Variants in NDEL1 observed in about 807,000 individuals in gnomAD.
The protein encoded by NDEL1 is nudE neurodevelopment protein 1 like 1.
A neutral mutation model predicts 45.7 loss-of-function variants in NDEL1; 9 were observed. The observed-to-expected ratio is 0.20, with a 90% confidence interval of 0.12 to 0.34. NDEL1 has a LOEUF of 0.34. Among genes scored for constraint, NDEL1 ranks in the 10% least tolerant of loss-of-function variants. NDEL1 has a pLI of 1.00. For synonymous variants in NDEL1, 133 were observed against 158.6 expected, an observed-to-expected ratio of 0.84 and a Z score of 1.21; for missense variants, 306 against 406.2, an observed-to-expected ratio of 0.75 and a Z score of 2.12.
intron 1 of NDEL1, among the ~76,000 whole-genome samples, chr17:8,428,323 G>GT (rs1478014217): frequency 3.2e-5 from 2 of 62,042 alleles, no homozygotes; most frequent in African/African-American, 7.3e-5. Flanking sequence ...AAGTGTGTGT[G>GT]GTGTGTGTGT....
chr17:8,462,599 C>T (rs1003537463), intron 8 of NDEL1, among the ~76,000 whole-genome samples: 3 of 152,170 alleles, frequency 2.0e-5, no homozygotes, highest in African/African-American at 7.2e-5. Flanking sequence ...GTTAAAAACA[C>T]AAAAGCCTGT....
At position 8,451,004 on chromosome 17, in the gene NDEL1, G is replaced by C. The variant is rs763441222; in HGVS notation, c.700+51G>C. 9 of 1,528,814 alleles carry C rather than the reference G, an allele frequency of 5.9e-6. No individual in the cohort carries two copies. The South Asian group carries it at 1.1e-4, about 19-fold the overall frequency. The allele number at this position is 1,528,814 out of a possible 1,614,324, so 94.7% of individuals were successfully genotyped here. A position where few individuals can be genotyped will look rare whatever the true frequency, so the allele number is the denominator to read the frequency against. ...GCGATGTGTTAGATGATCAGCTTAC[G>C]GGGGTTTGTTGCTGAAGGCGGTTGC... On this transcript the variant is annotated intron_variant, in intron 6 of 8. Coordinates refer to ENST00000334527, the MANE Select transcript of NDEL1 (RefSeq NM_030808.5).
rs149309918 is a variant in NDEL1 at position 8,421,064 on chromosome 17, A to G, written c.-13+7795A>G. Among the ~76,000 whole-genome samples the G allele has an allele frequency of 8.7e-4, 133 of 152,346 alleles. 1 individual carries two copies. In the East Asian group the frequency reaches 0.015, roughly 17 times the overall value. ...AATAGTTAGGTATTTATTTTAGGGA[A>G]TGTTAGGGAAAATATGATTAACATC... On this transcript the variant is annotated intron_variant, in intron 1 of 4. Transcript: ENST00000582812.
intron 6 of NDEL1, 53 bp from the exon 7 acceptor site, chr17:8,454,743 C>A: frequency 7.1e-7 from 1 of 1,412,282 alleles, no homozygotes; most frequent in Admixed American, 1.9e-5. Flanking sequence ...ACAACAAAAC[C>A]CAAATGTAAA....
At chr17:8,415,837 T>TC (rs1207380571) in intron 1 of NDEL1, among the ~76,000 whole-genome samples, 1 of 151,824 alleles carries the variant, frequency 6.6e-6, no homozygotes, top group Non-Finnish European at 1.5e-5. Flanking sequence ...AACCTCTGTC[T>TC]CCCAGGTTCA....
chr17:8,426,080 G>A (rs1021284748), intron 1 of NDEL1, among the ~76,000 whole-genome samples: 1 of 152,212 alleles, frequency 6.6e-6, no homozygotes, highest in Non-Finnish European at 1.5e-5. Context: ...GTAAGCCCTT[G>A]AGCCCAGCCT....
At chr17:8,449,928 A>G (rs1910364046) in intron 5 of NDEL1, among the ~76,000 whole-genome samples, 1 of 152,226 alleles carries the variant, frequency 6.6e-6, no homozygotes, top group Non-Finnish European at 1.5e-5. Flanking sequence ...TTTTTAACAC[A>G]AGCAAATATT....
At chr17:8,438,096 T>C (rs1340201830) in intron 1 of NDEL1, among the ~76,000 whole-genome samples, 1 of 152,046 alleles carries the variant, frequency 6.6e-6, no homozygotes, top group African/African-American at 2.4e-5. Context: ...GTAGCTGGGA[T>C]TACAGGTGCG....
At chr17:8,471,998 C>G (rs926526499), downstream of NDEL1, among the ~76,000 whole-genome samples, 1 of 152,138 alleles carries the variant, frequency 6.6e-6, no homozygotes, top group Non-Finnish European at 1.5e-5. Context: ...GCCTGGAACT[C>G]AAGGGAGAGG....
intron 1 of NDEL1, among the ~76,000 whole-genome samples, chr17:8,430,594 T>C (rs1351594154): frequency 6.6e-6 from 1 of 152,108 alleles, no homozygotes; most frequent in Admixed American, 6.5e-5. Context: ...ACAGGAGAGA[T>C]GTTGGGATCC....
At chr17:8,427,352 G>T (rs958303277) in intron 1 of NDEL1, among the ~76,000 whole-genome samples, 5 of 152,174 alleles carry the variant, frequency 3.3e-5, no homozygotes, top group African/African-American at 1.2e-4. Flanking sequence ...CTGGGTCAGG[G>T]ACCGAACCAT....
At chr17:8,432,616 C>A (rs947155159), upstream of NDEL1, among the ~76,000 whole-genome samples, 1 of 151,698 alleles carries the variant, frequency 6.6e-6, no homozygotes, top group Non-Finnish European at 1.5e-5. Context: ...GATCTCCTGA[C>A]CTCGTGATCC....
downstream of NDEL1, among the ~76,000 whole-genome samples, chr17:8,469,705 CTT>C (rs60226650): frequency 0.011 from 1,485 of 129,162 alleles, 14 homozygotes; most frequent in African/African-American, 0.035. Flanking sequence ...ACTTTAGTGA[CTT>C]TTTTTTTTTT....
chr17:8,425,298 T>C (rs1254553138), intron 1 of NDEL1, among the ~76,000 whole-genome samples: 2 of 152,230 alleles, frequency 1.3e-5, no homozygotes, highest in African/African-American at 2.4e-5. Flanking sequence ...AAAAGTGCTT[T>C]GAGGCCAGGC....
chr17:8,433,394 A>C (rs1217508397), upstream of NDEL1, among the ~76,000 whole-genome samples: 1 of 152,170 alleles, frequency 6.6e-6, no homozygotes, highest in African/African-American at 2.4e-5. Context: ...TGTGGGCTTC[A>C]TCTTCAACAT....
chr17:8,461,608 T>G (rs1911210480), intron 8 of NDEL1, among the ~76,000 whole-genome samples: 1 of 152,152 alleles, frequency 6.6e-6, no homozygotes, highest in Admixed American at 6.5e-5. Context: ...TTGATTTTCC[T>G]CAGGCTTAGG....
downstream of NDEL1, among the ~76,000 whole-genome samples, chr17:8,468,786 AC>A (rs1227228480): frequency 6.6e-6 from 1 of 152,260 alleles, no homozygotes; most frequent in African/African-American, 2.4e-5. Flanking sequence ...TGGGCGGATC[AC>A]AAGGTCAGGA....
intron 8 of NDEL1, chr17:8,463,500 T>G: frequency 1.5e-6 from 1 of 678,332 alleles, no homozygotes; most frequent in Admixed American, 2.9e-5. Context: ...ACTTTCACGG[T>G]CCTGTTCGAC....
intron 1 of NDEL1, among the ~76,000 whole-genome samples, chr17:8,424,528 G>T (rs988813117): frequency 6.6e-6 from 1 of 152,344 alleles, no homozygotes; most frequent in East Asian, 1.9e-4. Context: ...TTGAGACGGA[G>T]TCTTGTTCTG....
Sources: gnomAD v4.1 joint callset for allele counts (sites outside exome capture counted in the v4.1 genomes callset) on GRCh38, gnomAD v4.1.1 for gene constraint, MANE v1.5 for transcripts, NCBI Gene and HGNC (gene_info 2026-07-23, HGNC 2026-07-21) for gene names.